The following CARMIL1 variants were observed in gnomAD, a reference collection of about 807,000 sequenced individuals.
The protein encoded by CARMIL1 is F-actin-uncapping protein LRRC16A.
In CARMIL1, 90 loss-of-function variants were observed where a neutral mutation model predicts 177.1. The observed-to-expected ratio is 0.51, with a 90% CI of 0.43 to 0.61. The LOEUF is 0.61. Ranked by LOEUF, CARMIL1 falls within the 20% of genes least tolerant of loss-of-function variation. The pLI is 0.00. For synonymous variants in CARMIL1, 577 were observed against 606.2 expected (o/e 0.95, Z 0.71); for missense variants, 1,380 against 1,667.0 (o/e 0.83, Z 3.00).
chr6:25,440,029 G>A (rs1342503105), intron 5 of CARMIL1, among the ~76,000 whole-genome samples: 1 of 152,134 alleles, frequency 6.6e-6, no homozygotes, highest in African/African-American at 2.4e-5. Context: ...CAAAGACCAT[G>A]TTTTTATTAA....
chr6:25,533,682 CT>C (rs1254714562), intron 24 of CARMIL1, among the ~76,000 whole-genome samples: 1 of 152,088 alleles, frequency 6.6e-6, no homozygotes, highest in Non-Finnish European at 1.5e-5. Flanking sequence ...CTACACAACT[CT>C]TTCTCTTTTC....
intron 2 of CARMIL1, among the ~76,000 whole-genome samples, chr6:25,288,671 G>A (rs1007447018): frequency 6.6e-6 from 1 of 152,118 alleles, no homozygotes; most frequent in African/African-American, 2.4e-5. Flanking sequence ...TCCGTGGTGC[G>A]GAAAGTGCCA....
intron 2 of CARMIL1, among the ~76,000 whole-genome samples, chr6:25,325,964 G>A (rs1785049577): frequency 6.6e-6 from 1 of 152,058 alleles, no homozygotes; most frequent in Admixed American, 6.6e-5. Flanking sequence ...CCACCTCCTG[G>A]GTTCAAGCAA....
chr6:25,331,677 C>A (rs1280243429), intron 2 of CARMIL1, among the ~76,000 whole-genome samples: 1 of 152,192 alleles, frequency 6.6e-6, no homozygotes, highest in Non-Finnish European at 1.5e-5. Context: ...AAGTTCAGTC[C>A]TTCCTATTAG....
In CARMIL1 at chr6:25,420,120, A is replaced by T; in HGVS notation, c.145A>T (p.Thr49Ser). ...TGCTGCTTCTGTCTTACAGGTCCTT[A>T]CATCATGCCGAGCCTTCCTTGTAAC... ...DKVENKVLVLTSCRAFLVTAR... is the reference protein window; with the variant it reads ...DKVENKVLVLSSCRAFLVTAR... The change falls in exon 3 of 37, where the codon ACA becomes TCA. Residue 49 changes from threonine (T) to serine (S), a missense_variant. Transcript: ENST00000329474. 1 of 1,613,280 alleles carries T rather than the reference A, an allele frequency of 6.2e-7. No individual in the cohort carries two copies. Among genetic ancestry groups the T allele is most frequent in the Non-Finnish European group, 8.5e-7 (1 of 1,179,314 alleles).
At chr6:25,508,041 A>C (rs989537280) in intron 17 of CARMIL1, among the ~76,000 whole-genome samples, 120 of 152,334 alleles carry the variant, frequency 7.9e-4, no homozygotes, top group African/African-American at 2.8e-3. Flanking sequence ...AATTTTTATG[A>C]TTAGATACAA....
At chr6:25,600,260 C>G in intron 32 of CARMIL1, 54 bp from the exon 33 acceptor site, 4 of 1,476,124 alleles carry the variant, frequency 2.7e-6, no homozygotes, top group Non-Finnish European at 3.7e-6. Flanking sequence ...CTGATTCTTG[C>G]TGGAACTTAT....
At chr6:25,501,274 A>T (rs1443278004) in intron 17 of CARMIL1, among the ~76,000 whole-genome samples, 4 of 151,954 alleles carry the variant, frequency 2.6e-5, no homozygotes, top group Non-Finnish European at 4.4e-5. Flanking sequence ...TCTCTTCCCC[A>T]GCACTCCTAC....
At chr6:25,422,198 G>A (rs1795920126) in intron 3 of CARMIL1, among the ~76,000 whole-genome samples, 1 of 152,142 alleles carries the variant, frequency 6.6e-6, no homozygotes, top group South Asian at 2.1e-4. Context: ...AAATGGGTAA[G>A]GTCTGGTAGA....
chr6:25,455,535 G>C (rs1400314678), intron 8 of CARMIL1, among the ~76,000 whole-genome samples: 1 of 152,170 alleles, frequency 6.6e-6, no homozygotes, highest in East Asian at 1.9e-4. Context: ...TTAGAATCCT[G>C]CGAGCTAGGA....
intron 32 of CARMIL1, among the ~76,000 whole-genome samples, chr6:25,595,602 C>T (rs1814761244): frequency 6.6e-6 from 1 of 152,116 alleles, no homozygotes; most frequent in African/African-American, 2.4e-5. Flanking sequence ...ACTGCTCCTC[C>T]CACCCCCCCG....
intron 2 of CARMIL1, among the ~76,000 whole-genome samples, chr6:25,412,765 G>C (rs1342692834): frequency 6.6e-6 from 1 of 152,168 alleles, no homozygotes; most frequent in East Asian, 1.9e-4. Flanking sequence ...TCTATGTGGG[G>C]TAGTGGGAAG....
chr6:25,610,181 G>A lies in CARMIL1; in HGVS notation c.3979G>A (p.Val1327Ile). ...CAGCCCCAGGACATTTTCACAGGAA[G>A]GTAAGGATTGTAAGGATTTCTTTTC... is the stretch of plus-strand genomic sequence containing the variant. ...QPSPRTFSQEVSRRSWGQQAQ... is the reference protein window; with the variant it reads ...QPSPRTFSQEISRRSWGQQAQ... Residue 1327 changes from valine to isoleucine, a missense_variant and splice_region_variant, in exon 36 of 37, where the codon GTT becomes ATT. Physicochemically the swap from Val to Ile is conservative, Grantham distance 29. Coordinates refer to ENST00000329474, the MANE Select transcript of CARMIL1 (RefSeq NM_017640.6). 1 of 1,612,080 alleles carries A rather than the reference G, an allele frequency of 6.2e-7. No homozygotes were observed. The highest frequency in any genetic ancestry group is 8.5e-7 in the Non-Finnish European group (1 of 1,179,024).
intron 2 of CARMIL1, among the ~76,000 whole-genome samples, chr6:25,368,502 A>G (rs1790068927): frequency 6.6e-6 from 1 of 152,222 alleles, no homozygotes. Flanking sequence ...CCAGCTACAT[A>G]CAGATCAATG....
At chr6:25,284,639 G>T (rs1025700525) in intron 1 of CARMIL1, among the ~76,000 whole-genome samples, 173 bp from the exon 2 acceptor site, 3 of 152,204 alleles carry the variant, frequency 2.0e-5, no homozygotes, top group Admixed American at 2.0e-4. Context: ...AACCCAGGAG[G>T]CGGAGGTTGC....
At chr6:25,355,545 A>G (rs576041894) in intron 2 of CARMIL1, among the ~76,000 whole-genome samples, 1 of 152,284 alleles carries the variant, frequency 6.6e-6, no homozygotes, top group East Asian at 1.9e-4. Context: ...AGTCCAGAGT[A>G]GTTGCGTAGT....
At chr6:25,347,880 C>G (rs936182980) in intron 2 of CARMIL1, among the ~76,000 whole-genome samples, 1 of 152,164 alleles carries the variant, frequency 6.6e-6, no homozygotes, top group African/African-American at 2.4e-5. Flanking sequence ...TTTAGTCTTA[C>G]AATCAGTAGT....
chr6:25,487,158 C>A (rs1446948131), intron 12 of CARMIL1, among the ~76,000 whole-genome samples: 1 of 152,206 alleles, frequency 6.6e-6, no homozygotes, highest in East Asian at 1.9e-4. Flanking sequence ...TATTATAACT[C>A]TCTGAAGCTG....
intron 2 of CARMIL1, among the ~76,000 whole-genome samples, chr6:25,403,627 C>T (rs895668462): frequency 1.3e-5 from 2 of 152,122 alleles, no homozygotes; most frequent in African/African-American, 2.4e-5. Flanking sequence ...GTTTGCTATT[C>T]CCTCTGTCTG....
Sources: allele counts gnomAD v4.1 joint callset (sites outside exome capture counted in the v4.1 genomes callset), GRCh38; gene constraint gnomAD v4.1.1; transcripts MANE v1.5; gene names NCBI Gene and HGNC (gene_info 2026-07-23, HGNC 2026-07-21).